The following ACYP2 variants were observed in gnomAD, a reference collection of about 807,000 sequenced individuals.
The protein encoded by ACYP2 is acylphosphatase 2.
A neutral mutation model predicts 11.2 loss-of-function variants in ACYP2; 12 were observed. The observed-to-expected ratio is 1.08, with a 90% CI of 0.69 to 1.74. The LOEUF is 1.74. Ranked by LOEUF, ACYP2 falls within the 40% of genes most tolerant of loss-of-function variation. The probability of loss-of-function intolerance (pLI) is 0.00; values close to 1 mark genes in which losing one functional copy is unlikely to be tolerated. For synonymous variants in ACYP2, 43 were observed against 32.2 expected (o/e 1.33, Z -1.13); for missense variants, 134 against 101.9 (o/e 1.31, Z -1.35).
intron 6 of ACYP2, among the ~76,000 whole-genome samples, chr2:54,219,482 GA>G (rs994491878): frequency 4.6e-5 from 7 of 152,068 alleles, no homozygotes; most frequent in African/African-American, 1.7e-4. Context: ...GCAGGTTTCT[GA>G]AAAGAGGAAT....
chr2:54,283,823 A>C (rs1688952285), intron 6 of ACYP2, among the ~76,000 whole-genome samples: 1 of 152,248 alleles, frequency 6.6e-6, no homozygotes, highest in Admixed American at 6.5e-5. Flanking sequence ...AACATTAAAA[A>C]ACTATCTTTG....
intron 6 of ACYP2, among the ~76,000 whole-genome samples, chr2:54,285,897 G>C (rs141747562): frequency 2.7e-4 from 41 of 152,300 alleles, no homozygotes; most frequent in African/African-American, 9.6e-4. Flanking sequence ...AGAAATCATG[G>C]AGTGGTGAGT....
chr2:54,096,601 C>T (rs1195913521), intron 4 of ACYP2, among the ~76,000 whole-genome samples: 1 of 152,198 alleles, frequency 6.6e-6, no homozygotes, highest in African/African-American at 2.4e-5. Context: ...GAGGCCGAGG[C>T]TGGCGGATCC....
At chr2:54,129,684 G>GTCAT (rs1192878820) in intron 4 of ACYP2, among the ~76,000 whole-genome samples, 5 of 149,338 alleles carry the variant, frequency 3.3e-5, no homozygotes, top group Non-Finnish European at 7.4e-5. Context: ...TATATATTCA[G>GTCAT]TCATTATATA....
chr2:54,135,377 A>T, intron 4 of ACYP2, 76 bp from the exon 2 acceptor site: 1 of 1,431,990 alleles, frequency 7.0e-7, no homozygotes. Context: ...CCACCTAGAT[A>T]AAAGTTAAGT....
At chr2:54,215,045 T>G (rs1304330315) in intron 6 of ACYP2, among the ~76,000 whole-genome samples, 2 of 152,236 alleles carry the variant, frequency 1.3e-5, no homozygotes, top group South Asian at 2.1e-4. Context: ...GGTTTGGCTC[T>G]CAGCTTGGAT....
intron 6 of ACYP2, among the ~76,000 whole-genome samples, chr2:54,290,089 G>C (rs1456306640): frequency 6.6e-6 from 1 of 152,062 alleles, no homozygotes; most frequent in East Asian, 1.9e-4. Flanking sequence ...AATTGCATCA[G>C]GCTGTCAGGG....
At chr2:53,991,948 A>G (rs190064842) in intron 2 of ACYP2, among the ~76,000 whole-genome samples, 10 of 152,040 alleles carry the variant, frequency 6.6e-5, no homozygotes, top group Non-Finnish European at 1.3e-4. Flanking sequence ...CTACAGGCAC[A>G]TGACACCACA....
At chr2:54,096,596 C>T (rs192707399) in intron 4 of ACYP2, among the ~76,000 whole-genome samples, 329 of 152,254 alleles carry the variant, frequency 2.2e-3, no homozygotes, top group South Asian at 0.011. Context: ...CTCGGGAGGC[C>T]GAGGCTGGCG....
intron 2 of ACYP2, among the ~76,000 whole-genome samples, chr2:54,040,125 G>C (rs1299501505): frequency 6.6e-6 from 1 of 152,148 alleles, no homozygotes; most frequent in South Asian, 2.1e-4. Flanking sequence ...AGTGGTAGTA[G>C]TGGAAGTGGT....
intron 4 of ACYP2, among the ~76,000 whole-genome samples, chr2:54,130,852 A>T (rs1292731666): frequency 6.6e-6 from 1 of 152,078 alleles, no homozygotes; most frequent in Admixed American, 6.6e-5. Flanking sequence ...TCATCATACT[A>T]ATTTTTGCTC....
In ACYP2 at chr2:54,133,022, G is replaced by A. The variant is rs62138026; in HGVS notation, c.278-2431G>A. Among the ~76,000 whole-genome samples, 717 of 152,252 alleles carry A rather than the reference G, an allele frequency of 4.7e-3. 3 individuals carry two copies. The highest frequency in any genetic ancestry group is 0.014 in the Middle Eastern group (4 of 294). On this transcript the variant is annotated intron_variant, in intron 4 of 6. Coordinates refer to ENST00000607452, the MANE Select transcript of ACYP2 (RefSeq NM_001320586.2). ...GCCTCCCAAAGTGCTGGGATTACAGGTGTGAGCCACCACACCCGGCCCAAT... is the reference window on the plus strand; with the variant it reads ...GCCTCCCAAAGTGCTGGGATTACAGATGTGAGCCACCACACCCGGCCCAAT...
rs76872218 is a variant in ACYP2 at position 54,035,033 on chromosome 2, G to T, written c.63-15925G>T. 1.7e-4 allele frequency among the ~76,000 whole-genome samples: 11 copies of T among 63,522 alleles called. No individual in the cohort carries two copies. The East Asian group carries it at 3.1e-3, about 18-fold the overall frequency. 41.7% of individuals were successfully genotyped at this position (63,522 alleles called of 152,430 possible). A position where few individuals can be genotyped will look rare whatever the true frequency, so the allele number is the denominator to read the frequency against. Reference sequence around the variant, plus strand: ...TCAAAAAAAAAAAAAAAAAAAAAAAGCCTAGACTCTGGTTAAGAGGTTTAA... The same window carrying T: ...TCAAAAAAAAAAAAAAAAAAAAAAATCCTAGACTCTGGTTAAGAGGTTTAA... On this transcript the variant is annotated intron_variant, in intron 2 of 6. Coordinates refer to ENST00000607452, the MANE Select transcript of ACYP2 (RefSeq NM_001320586.2).
At chr2:54,268,683 G>A (rs551496182) in intron 6 of ACYP2, among the ~76,000 whole-genome samples, 13 of 151,404 alleles carry the variant, frequency 8.6e-5, no homozygotes, top group Admixed American at 3.3e-4. Context: ...GGTGGCATGC[G>A]TCTGGAGTCC....
intron 6 of ACYP2, among the ~76,000 whole-genome samples, chr2:54,289,573 G>GT (rs1309021468): frequency 1.3e-5 from 2 of 151,620 alleles, no homozygotes; most frequent in African/African-American, 4.9e-5. Context: ...AAAGGAAAAC[G>GT]TTTTTTATGA....
chr2:54,134,765 G>T (rs1487057146), intron 4 of ACYP2, among the ~76,000 whole-genome samples: 1 of 152,142 alleles, frequency 6.6e-6, no homozygotes, highest in Non-Finnish European at 1.5e-5. Flanking sequence ...TTGTTCTTGG[G>T]TCGGGATGCA....
chr2:54,228,005 A>G (rs1686081456), intron 6 of ACYP2, among the ~76,000 whole-genome samples: 1 of 152,248 alleles, frequency 6.6e-6, no homozygotes, highest in Non-Finnish European at 1.5e-5. Context: ...CAGAGTAGCT[A>G]TAAAAGTAGT....
At chr2:54,048,182 T>C (rs990457570) in intron 2 of ACYP2, among the ~76,000 whole-genome samples, 3 of 152,224 alleles carry the variant, frequency 2.0e-5, no homozygotes, top group Middle Eastern at 3.4e-3. Flanking sequence ...TCCCAGCGCT[T>C]TGGGAGGCTG....
chr2:54,065,648 T>C, intron 4 of ACYP2: 1 of 396,870 alleles, frequency 2.5e-6, no homozygotes. Flanking sequence ...CAGAATTGGG[T>C]TGCCATCTGT....
Sources: allele counts gnomAD v4.1 joint callset (sites outside exome capture counted in the v4.1 genomes callset), GRCh38; gene constraint gnomAD v4.1.1; transcripts MANE v1.5; gene names NCBI Gene and HGNC (gene_info 2026-07-23, HGNC 2026-07-21).